REDIC1: variants seen among roughly 807,000 people sequenced by gnomAD.
REDIC1 encodes the protein regulator of DNA class I crossover intermediates 1, also known as HEI10 Interacting Protein 1.
chr12:39,813,161 C>T, the REDIC1 span, among the ~76,000 whole-genome samples: 1 of 151,302 alleles, frequency 6.6e-6, no homozygotes, highest in African/African-American at 2.4e-5. Context: ...ATTACTTTTG[C>T]CCTCCCTTTA....
At chr12:39,661,242 G>A in the REDIC1 span, among the ~76,000 whole-genome samples, 3 of 151,970 alleles carry the variant, frequency 2.0e-5, no homozygotes, top group South Asian at 2.1e-4. Flanking sequence ...ATTCTTTTCC[G>A]TAATGACAGT....
chr12:39,821,060 C>T, the REDIC1 span, among the ~76,000 whole-genome samples: 47 of 152,070 alleles, frequency 3.1e-4, no homozygotes, highest in African/African-American at 1.1e-3. Context: ...AATTTTTTAC[C>T]CTTTCTTTCA....
the REDIC1 span, among the ~76,000 whole-genome samples, chr12:39,794,123 CAAAAAAAAAA>C: frequency 3.8e-5 from 3 of 78,372 alleles, no homozygotes; most frequent in South Asian, 1.1e-3. Flanking sequence ...GGCCAAATTG[CAAAAAAAAAA>C]AAAAAAAAAA....
At chr12:39,734,337 G>A in the REDIC1 span, among the ~76,000 whole-genome samples, 3 of 152,130 alleles carry the variant, frequency 2.0e-5, no homozygotes, top group Non-Finnish European at 4.4e-5. Flanking sequence ...GTTGCAGTCC[G>A]GAGCTGTTCC....
the REDIC1 span, chr12:39,721,065 G>C: frequency 1.2e-6 from 2 of 1,613,820 alleles, no homozygotes; most frequent in East Asian, 2.2e-5. Flanking sequence ...AGGCTGCAAG[G>C]TGTGATGCAG....
the REDIC1 span, chr12:39,626,418 A>C: frequency 6.2e-7 from 1 of 1,607,610 alleles, no homozygotes; most frequent in Non-Finnish European, 8.5e-7. Context: ...TCCTCTTTCT[A>C]GTTCCTGGCG....
At chr12:39,660,444 A>G in the REDIC1 span, among the ~76,000 whole-genome samples, 2 of 152,122 alleles carry the variant, frequency 1.3e-5, no homozygotes, top group African/African-American at 4.8e-5. Context: ...CTCAGGGATC[A>G]TTATCTTGCT....
the REDIC1 span, among the ~76,000 whole-genome samples, chr12:39,675,222 T>C: frequency 6.6e-6 from 1 of 152,282 alleles, no homozygotes; most frequent in South Asian, 2.1e-4. Context: ...CATAACTTCA[T>C]TGGCCTGAGA....
At chr12:39,731,362 G>T in the REDIC1 span, among the ~76,000 whole-genome samples, 1 of 152,288 alleles carries the variant, frequency 6.6e-6, no homozygotes, top group South Asian at 2.1e-4. Flanking sequence ...TTTTGTTGAT[G>T]TTAATGCTAT....
chr12:39,650,224 A>T, the REDIC1 span: 1 of 1,550,020 alleles, frequency 6.5e-7, no homozygotes, highest in Non-Finnish European at 8.7e-7. The surrounding 1 kb of genome is among the most constrained non-coding windows in gnomAD (Gnocchi z 4.3). Flanking sequence ...AGTTTCTTCA[A>T]ATTTTTTTTT....
At chr12:39,744,784 G>A in the REDIC1 span, among the ~76,000 whole-genome samples, 3 of 152,212 alleles carry the variant, frequency 2.0e-5, no homozygotes, top group East Asian at 3.9e-4. Context: ...AAAGGTGGAA[G>A]ACAATAATTG....
At chr12:39,836,455 T>C in the REDIC1 span, among the ~76,000 whole-genome samples, 1 of 151,984 alleles carries the variant, frequency 6.6e-6, no homozygotes, top group African/African-American at 2.4e-5. Flanking sequence ...CTCTCACCAC[T>C]CCTATTCAAC....
chr12:39,664,854 G>A, the REDIC1 span, among the ~76,000 whole-genome samples: 2 of 152,098 alleles, frequency 1.3e-5, no homozygotes, highest in African/African-American at 4.8e-5. Flanking sequence ...TCATGTGTCT[G>A]TTGGCTGCAT....
the REDIC1 span, among the ~76,000 whole-genome samples, chr12:39,713,992 T>C: frequency 6.7e-6 from 1 of 148,340 alleles, no homozygotes; most frequent in Non-Finnish European, 1.5e-5. Context: ...TATATACATG[T>C]ATGTACACCT....
the REDIC1 span, chr12:39,683,058 G>T: frequency 6.2e-7 from 1 of 1,613,184 alleles, no homozygotes; most frequent in Non-Finnish European, 8.5e-7. Context: ...AGAAGTATCA[G>T]AGAGAGTATA....
At chr12:39,653,932 G>A in the REDIC1 span, among the ~76,000 whole-genome samples, 2 of 150,626 alleles carry the variant, frequency 1.3e-5, no homozygotes, top group East Asian at 2.0e-4. Flanking sequence ...TTTAAAGTAT[G>A]ATGTTAGCTA....
At chr12:39,896,084 A>ATG in the REDIC1 span, among the ~76,000 whole-genome samples, 5 of 1,202 alleles carry the variant, frequency 4.2e-3, 1 homozygote, top group Admixed American at 0.021. Flanking sequence ...ACACGTGTAC[A>ATG]TATATGTATA....
the REDIC1 span, among the ~76,000 whole-genome samples, chr12:39,629,144 G>T: frequency 6.6e-6 from 1 of 152,178 alleles, no homozygotes; most frequent in African/African-American, 2.4e-5. Context: ...TCGAACACTG[G>T]TTCTTAAAAG....
At chr12:39,742,427 A>C in the REDIC1 span, among the ~76,000 whole-genome samples, 13 of 152,172 alleles carry the variant, frequency 8.5e-5, no homozygotes, top group Non-Finnish European at 1.3e-4. Flanking sequence ...GCACCTTCAC[A>C]TTAGTTAAGA....
Sources: gnomAD v4.1 joint callset for allele counts (sites outside exome capture counted in the v4.1 genomes callset) on GRCh38, gnomAD v4.1.1 for gene constraint, Gnocchi (gnomAD v3.1) non-coding constraint, MANE v1.5 for transcripts, NCBI Gene and HGNC (gene_info 2026-07-23, HGNC 2026-07-21) for gene names.